The following GASK1A variants were observed in gnomAD, a reference collection of about 807,000 sequenced individuals.
The protein encoded by GASK1A is Golgi-associated kinase 1A.
GASK1A carries 40 observed loss-of-function variants against 41.2 expected under a neutral mutation model. That is an observed-to-expected ratio of 0.97 (90% CI 0.75 to 1.27). The LOEUF (loss-of-function observed/expected upper bound fraction) is 1.27, where lower values mean the gene tolerates loss of function less well. Ranked by LOEUF, GASK1A falls within the 50% of genes most tolerant of loss-of-function variation. The probability of loss-of-function intolerance (pLI) is 0.00; values close to 1 mark genes in which losing one functional copy is unlikely to be tolerated. For missense variants in GASK1A, 678 were observed against 745.1 expected (o/e 0.91, Z 1.05); for synonymous variants, 316 against 307.1 (o/e 1.03, Z -0.30).
intron 1 of GASK1A, among the ~76,000 whole-genome samples, chr3:43,006,850 T>C (rs1248399970): frequency 6.6e-6 from 1 of 152,260 alleles, no homozygotes; most frequent in African/African-American, 2.4e-5. Context: ...TGTGATCCTA[T>C]GGACCTATCC....
chr3:43,044,042 C>T (rs2089650002), intron 2 of GASK1A, among the ~76,000 whole-genome samples: 1 of 152,130 alleles, frequency 6.6e-6, no homozygotes, highest in Non-Finnish European at 1.5e-5. Flanking sequence ...ATCATATGGG[C>T]CAGTATTTCT....
At chr3:42,990,362 A>C (rs549007474) in intron 1 of GASK1A, among the ~76,000 whole-genome samples, 2 of 151,942 alleles carry the variant, frequency 1.3e-5, no homozygotes, top group South Asian at 2.1e-4. Flanking sequence ...AAAAAAAAAA[A>C]AAAGGGTCCC....
intron 1 of GASK1A, among the ~76,000 whole-genome samples, chr3:43,011,196 A>T (rs896926541): frequency 2.0e-5 from 3 of 152,138 alleles, no homozygotes; most frequent in African/African-American, 4.8e-5. Flanking sequence ...ATCCTGGCCA[A>T]CATGGTGAAA....
chr3:42,992,973 A>G (rs906052640), intron 1 of GASK1A, among the ~76,000 whole-genome samples: 2 of 152,212 alleles, frequency 1.3e-5, no homozygotes, highest in Non-Finnish European at 2.9e-5. Flanking sequence ...CAGTTTGAAC[A>G]TTCAGCAGTC....
intron 1 of GASK1A, among the ~76,000 whole-genome samples, chr3:43,019,740 A>G (rs1223852382): frequency 6.7e-6 from 1 of 149,438 alleles, no homozygotes; most frequent in African/African-American, 2.5e-5. Flanking sequence ...CCAGAGTTAG[A>G]CCCAAATTCC....
intron 1 of GASK1A, among the ~76,000 whole-genome samples, chr3:42,995,297 C>A (rs1349025714): frequency 6.6e-6 from 1 of 152,128 alleles, no homozygotes; most frequent in Non-Finnish European, 1.5e-5. Flanking sequence ...TTTTGGGAGA[C>A]AATAGGGAGT....
intron 2 of GASK1A, among the ~76,000 whole-genome samples, chr3:43,048,865 G>A (rs2089675932): frequency 6.6e-6 from 1 of 152,204 alleles, no homozygotes; most frequent in Admixed American, 6.5e-5. Context: ...CAGAACCCAA[G>A]TGTGTTTAAC....
At chr3:43,028,331 C>T (rs78051323) in intron 1 of GASK1A, among the ~76,000 whole-genome samples, 2,416 of 152,300 alleles carry the variant, frequency 0.016, 31 homozygotes, top group East Asian at 0.057. Flanking sequence ...CCCATCATGG[C>T]CTGAACCAGT....
chr3:43,050,653 G>A lies in GASK1A; in HGVS notation c.1291-2868G>A, dbSNP rs370453998. Among the ~76,000 whole-genome samples, 15 of 151,708 alleles carry A rather than the reference G, an allele frequency of 9.9e-5. No individual in the cohort carries two copies. The South Asian group carries it at 3.1e-3, about 32-fold the overall frequency. On this transcript the variant is annotated intron_variant, in intron 2 of 4. Transcript: ENST00000430121. The stretch of plus-strand genomic sequence containing the variant: ...TAAAACTCCTCTTATATATATGTTG[G>A]TACACTTGATGGTGTTACATGGGTC...
At chr3:43,044,186 G>A (rs2089651258) in intron 2 of GASK1A, among the ~76,000 whole-genome samples, 1 of 152,212 alleles carries the variant, frequency 6.6e-6, no homozygotes, top group Non-Finnish European at 1.5e-5. Flanking sequence ...GCAAAATCCA[G>A]GGCAGTTATT....
Position 42,979,503 on chromosome 3 carries a change from G to A in GASK1A, c.-140G>A. On this transcript the variant is annotated 5_prime_UTR_variant, in exon 1 of 5. Transcript: ENST00000430121. ...CAGAGAACGTGTGCACCTTCAGTCC[G>A]GGAAACCCGCCCCAGCCGAGTAGCC... is the stretch of plus-strand genomic sequence containing the variant. The A allele has an allele frequency of 1.0e-6, 1 of 979,420 alleles. No individual in the cohort carries two copies. Among genetic ancestry groups the A allele is most frequent in the Non-Finnish European group, 1.3e-6 (1 of 756,914 alleles). The allele number at this position is 979,420 out of a possible 1,614,324, so 60.7% of individuals were successfully genotyped here. A position where few individuals can be genotyped will look rare whatever the true frequency, so the allele number is the denominator to read the frequency against.
Position 43,055,529 on chromosome 3 carries a change from T to C in GASK1A, c.1511T>C (p.Ile504Thr), listed in dbSNP as rs2089712028. ...CTGAACTTTCGGCTGCTGGAGGGCA[T>C]AGATGGGTGAGGGTCAAAAGGGTTG... ...DKLNFRLLEG[I>T]DGFPESAVKV... Residue 504 changes from isoleucine (I) to threonine (T), a missense_variant, in exon 4 of 5, where the codon ATA (isoleucine) becomes ACA (threonine). Physicochemically the swap from Ile to Thr is moderately conservative, Grantham distance 89. Transcript: ENST00000430121. The C allele has an allele frequency of 1.1e-5, 17 of 1,551,436 alleles. No homozygotes were observed. Among genetic ancestry groups the C allele is most frequent in the Non-Finnish European group, 1.4e-5 (16 of 1,146,616 alleles).
intron 1 of GASK1A, among the ~76,000 whole-genome samples, chr3:43,001,666 A>C (rs754602454): frequency 6.6e-6 from 1 of 152,200 alleles, no homozygotes; most frequent in Non-Finnish European, 1.5e-5. Context: ...CTATTTTTCC[A>C]GGAGCCTCAG....
intron 2 of GASK1A, among the ~76,000 whole-genome samples, chr3:43,048,536 A>G (rs1282591760): frequency 6.6e-6 from 1 of 152,214 alleles, no homozygotes. Context: ...AGGGTACAGT[A>G]AAGAGCAGGC....
chr3:43,040,882 CCG>C (rs1559406590), intron 2 of GASK1A, among the ~76,000 whole-genome samples: 4 of 129,688 alleles, frequency 3.1e-5, no homozygotes, highest in Admixed American at 7.8e-5. Flanking sequence ...TCCCTCCCCC[CCG>C]CCACAACAGT....
intron 1 of GASK1A, among the ~76,000 whole-genome samples, chr3:43,005,552 A>G (rs2089431827): frequency 6.6e-6 from 1 of 152,174 alleles, no homozygotes; most frequent in Non-Finnish European, 1.5e-5. Context: ...GGAGTACTGC[A>G]TTGCCCATGT....
chr3:43,001,773 G>A (rs1172595276), intron 1 of GASK1A, among the ~76,000 whole-genome samples: 2 of 152,202 alleles, frequency 1.3e-5, no homozygotes, highest in Non-Finnish European at 2.9e-5. Context: ...GGCCTCTGGA[G>A]GCAGTCAAGT....
chr3:42,979,328 A>C lies in GASK1A; in HGVS notation c.-315A>C, dbSNP rs1179858944. 1.2e-5 allele frequency: 4 copies of C among 341,666 alleles called. No homozygotes were observed. The highest frequency in any genetic ancestry group is 2.1e-5 in the Non-Finnish European group (4 of 190,282). 21.2% of individuals were successfully genotyped at this position (341,666 alleles called of 1,614,324 possible). On this transcript the variant is annotated 5_prime_UTR_variant, in exon 1 of 5. Transcript: ENST00000430121. ...CGGCAGGGACTTTGCAAACTCTGCA[A>C]AAGTCCCGAGTAGACCGCAGAGGCT... is the stretch of plus-strand genomic sequence containing the variant.
At chr3:43,034,761 A>G (rs2089596743) in intron 2 of GASK1A, among the ~76,000 whole-genome samples, 1 of 152,210 alleles carries the variant, frequency 6.6e-6, no homozygotes, top group Admixed American at 6.5e-5. Context: ...TTCCCTTGAA[A>G]AATTGGATGG....
Sources: allele counts gnomAD v4.1 joint callset (sites outside exome capture counted in the v4.1 genomes callset), GRCh38; gene constraint gnomAD v4.1.1; transcripts MANE v1.5; gene names NCBI Gene and HGNC (gene_info 2026-07-23, HGNC 2026-07-21).